Variants in BIVM observed in about 807,000 individuals in gnomAD.
The protein encoded by BIVM is basic, immunoglobulin-like variable motif containing, also known as basic immunoglobulin-like variable motif-containing protein.
Under a neutral mutation model 61.4 loss-of-function variants are expected in BIVM, and 31 were observed. That is an observed-to-expected ratio of 0.51 (90% CI 0.38 to 0.68). BIVM has a LOEUF of 0.68. BIVM is among the 30% of genes least tolerant of loss of function. BIVM has a pLI of 0.00. For missense variants in BIVM, 526 were observed against 596.0 expected (o/e 0.88, Z 1.22); for synonymous variants, 189 against 210.7 (o/e 0.90, Z 0.89).
At chr13:102,817,836 G>T (rs1879980506) in intron 4 of BIVM, among the ~76,000 whole-genome samples, 1 of 151,922 alleles carries the variant, frequency 6.6e-6, no homozygotes, top group African/African-American at 2.4e-5. Flanking sequence ...ACCCTGATTT[G>T]GGTTTTTAAA....
intron 3 of BIVM, among the ~76,000 whole-genome samples, chr13:102,815,450 TTTTAC>T (rs771971651): frequency 2.0e-5 from 3 of 152,314 alleles, no homozygotes; most frequent in Non-Finnish European, 4.4e-5. Flanking sequence ...TTTATTGATA[TTTTAC>T]TTTATATAAT....
chr13:102,808,866 G>A (rs1256377358), intron 3 of BIVM, among the ~76,000 whole-genome samples: 1 of 152,022 alleles, frequency 6.6e-6, no homozygotes, highest in Non-Finnish European at 1.5e-5. Context: ...TAACATCTAA[G>A]GAATCTTTGT....
Position 102,838,697 on chromosome 13 carries a change from C to A in BIVM, c.1176C>A (p.Ile392=), listed in dbSNP as rs1333694351. The change falls in exon 10 of 11, where the codon ATC becomes ATA. Residue 392 remains isoleucine (I), a synonymous_variant. Transcript: ENST00000257336. ...CTCAAAATCCAGAATACCTGGATAT[C>A]CGGCACTTAGAGAGGGGACTGCAGT... The part of the protein sequence containing the change: ...LNTQNPEYLD[I]RHLERGLQYR... 1 of 1,613,300 alleles carries A rather than the reference C, an allele frequency of 6.2e-7. No individual in the cohort carries two copies. The highest frequency in any genetic ancestry group is 8.5e-7 in the Non-Finnish European group (1 of 1,179,526).
At chr13:102,810,236 G>A (rs139182422) in intron 3 of BIVM, among the ~76,000 whole-genome samples, 51 of 152,168 alleles carry the variant, frequency 3.4e-4, no homozygotes, top group African/African-American at 1.1e-3. Context: ...GTCTTTTTAT[G>A]ACTGGTTTAT....
intron 1 of BIVM, among the ~76,000 whole-genome samples, chr13:102,804,737 G>A (rs551156377): frequency 6.6e-6 from 1 of 152,294 alleles, no homozygotes; most frequent in East Asian, 1.9e-4. Flanking sequence ...TGGGATTACA[G>A]GCATGAGCCA....
intron 7 of BIVM, among the ~76,000 whole-genome samples, chr13:102,828,826 T>A (rs1457706209): frequency 6.6e-6 from 1 of 152,060 alleles, no homozygotes; most frequent in Non-Finnish European, 1.5e-5. Flanking sequence ...GCCAGGAGTT[T>A]GAGACTATCC....
intron 7 of BIVM, among the ~76,000 whole-genome samples, chr13:102,825,212 T>C (rs1348443645): frequency 1.3e-5 from 2 of 152,220 alleles, no homozygotes; most frequent in East Asian, 3.8e-4. Context: ...CCCAAAGTGC[T>C]GGGATTACAG....
chr13:102,815,699 C>A (rs374848191), intron 3 of BIVM, among the ~76,000 whole-genome samples: 7 of 152,170 alleles, frequency 4.6e-5, no homozygotes, highest in African/African-American at 1.7e-4. Context: ...GCTCCCAATT[C>A]TCCCTTCCCC....
At chr13:102,812,211 G>T (rs991376982) in intron 3 of BIVM, among the ~76,000 whole-genome samples, 3 of 151,976 alleles carry the variant, frequency 2.0e-5, no homozygotes, top group Non-Finnish European at 2.9e-5. Flanking sequence ...TTCAGCCCAA[G>T]AATTTATTTT....
chr13:102,817,635 T>A (rs1254481496), intron 4 of BIVM, among the ~76,000 whole-genome samples: 2 of 152,304 alleles, frequency 1.3e-5, no homozygotes, highest in East Asian at 3.9e-4. Context: ...AACCCATTGA[T>A]GATCCTTGTC....
chr13:102,839,163 T>C (rs1047851017), intron 10 of BIVM, among the ~76,000 whole-genome samples: 2 of 152,240 alleles, frequency 1.3e-5, no homozygotes, highest in Non-Finnish European at 2.9e-5. Flanking sequence ...AACTGTGGCC[T>C]TGTGGCAGAG....
In BIVM at chr13:102,807,614, C is replaced by T. The variant is rs768665240; in HGVS notation, c.347C>T (p.Thr116Ile). 6.2e-7 allele frequency: 1 copy of T among 1,614,168 alleles called. No individual in the cohort carries two copies. Among genetic ancestry groups the T allele is most frequent in the East Asian group, 2.2e-5 (1 of 44,886 alleles). Residue 116 changes from threonine (T) to isoleucine (I), a missense_variant, in exon 3 of 11, where the codon ACA becomes ATA. Transcript: ENST00000257336. This position sits in a 1 kb window ranked among gnomAD's most constrained non-coding sequence, Gnocchi z 4.0. ...SSRYIGIPTS[T>I]SEIIYNEENS... ...AGATACATTGGTATCCCGACTAGTA[C>T]ATCGGAAATTATCTACAATGAAGAA...
intron 7 of BIVM, among the ~76,000 whole-genome samples, chr13:102,830,275 G>A (rs562937660): frequency 2.8e-4 from 43 of 152,172 alleles, no homozygotes; most frequent in African/African-American, 9.4e-4. Flanking sequence ...TCTCTTCTGC[G>A]GCCGTGGACC....
At position 102,821,067 on chromosome 13, in the gene BIVM, T is replaced by C; in HGVS notation, c.636T>C (p.Thr212=). The C allele has an allele frequency of 1.9e-6, 3 of 1,613,640 alleles. No individual in the cohort carries two copies. Among genetic ancestry groups the C allele is most frequent in the Non-Finnish European group, 2.5e-6 (3 of 1,179,898 alleles). ...WYCISRPQYK[T]SCGISSLISC... is the part of the protein sequence containing the mutation. ...GCATAAGCCGACCACAGTATAAGAC[T>C]TCTTGTGGCATCTCTTCATTAATTT... The change falls in exon 5 of 11, where the codon ACT becomes ACC. Residue 212 remains threonine, a synonymous_variant. Transcript: ENST00000257336.
Position 102,839,890 on chromosome 13 carries a change from C to A in BIVM, c.*25C>A, listed in dbSNP as rs750550707. ...ACTATGCTTGCTACTGAACAGCTGG[C>A]ATTATATATGAAACTGCTATATACA... On this transcript the variant is annotated 3_prime_UTR_variant, in exon 11 of 11. Coordinates refer to ENST00000257336, the MANE Select transcript of BIVM (RefSeq NM_017693.4). 1 of 1,591,870 alleles carries A rather than the reference C, an allele frequency of 6.3e-7. No individual in the cohort carries two copies. The highest frequency in any genetic ancestry group is 2.2e-5 in the East Asian group (1 of 44,740).
At chr13:102,800,297 G>T (rs1263439643) in intron 1 of BIVM, 2 of 152,210 alleles carry the variant, frequency 1.3e-5, no homozygotes, top group African/African-American at 4.8e-5. Context: ...AAGCATGTTC[G>T]AGGCGGTCAC....
At chr13:102,801,862 T>A (rs1436115967) in intron 1 of BIVM, 2 of 152,240 alleles carry the variant, frequency 1.3e-5, no homozygotes, top group African/African-American at 4.8e-5. Context: ...CCAAGAAGGT[T>A]TCCCCCAGAA....
intron 5 of BIVM, 65 bp downstream of exon 5, chr13:102,821,197 C>T: frequency 7.1e-7 from 1 of 1,403,826 alleles, no homozygotes; most frequent in Middle Eastern, 2.5e-4. Context: ...TTTTCTATAA[C>T]AGAAAAAAAT....
Position 102,822,172 on chromosome 13 carries a change from A to G in BIVM, c.901+13A>G, listed in dbSNP as rs73570245. 230 of 1,610,326 alleles carry G rather than the reference A, an allele frequency of 1.4e-4. 3 individuals carry two copies. In the African/African-American group the frequency reaches 2.9e-3, roughly 20 times the overall value. On this transcript the variant is annotated intron_variant, in intron 7 of 10. Transcript: ENST00000257336. ...GCAGGAGAAACTGGTAGGTAAACAT[A>G]TAGAAGATTTACATACACACATACA...
Sources: allele counts gnomAD v4.1 joint callset (sites outside exome capture counted in the v4.1 genomes callset), GRCh38; gene constraint gnomAD v4.1.1; non-coding constraint Gnocchi (gnomAD v3.1); transcripts MANE v1.5; gene names NCBI Gene and HGNC (gene_info 2026-07-23, HGNC 2026-07-21).